PLAAT1: variants seen among roughly 807,000 people sequenced by gnomAD.
PLAAT1 encodes H-REV107 protein-related protein.
In PLAAT1, 13 loss-of-function variants were observed where a neutral mutation model predicts 16.4. The observed-to-expected ratio is 0.79, with a 90% CI of 0.52 to 1.26. The LOEUF (loss-of-function observed/expected upper bound fraction) is 1.26. Among genes scored for constraint, PLAAT1 ranks in the 50% most tolerant of loss-of-function variants. The pLI is 0.00. For synonymous variants in PLAAT1, 73 were observed against 78.4 expected (o/e 0.93, Z 0.36); for missense variants, 218 against 207.8 (o/e 1.05, Z -0.30).
At chr3:193,275,797 T>C (rs977680070), downstream of PLAAT1, among the ~76,000 whole-genome samples, 1 of 152,218 alleles carries the variant, frequency 6.6e-6, no homozygotes, top group Admixed American at 6.5e-5. Context: ...GTAATGAAAT[T>C]GGTCAAATTT....
intron 1 of PLAAT1, among the ~76,000 whole-genome samples, chr3:193,252,587 A>G (rs1206758271): frequency 6.6e-6 from 1 of 152,152 alleles, no homozygotes; most frequent in Non-Finnish European, 1.5e-5. Context: ...TTTTCCTGGT[A>G]AGGATCATAC....
chr3:193,268,570 A>G (rs190570008), intron 3 of PLAAT1, among the ~76,000 whole-genome samples: 2 of 152,302 alleles, frequency 1.3e-5, no homozygotes, highest in Non-Finnish European at 2.9e-5. Flanking sequence ...ACATCCTGAG[A>G]TGTTGTAATC....
chr3:193,272,445 AAAAAC>A (rs376995592), downstream of PLAAT1, among the ~76,000 whole-genome samples: 8 of 141,970 alleles, frequency 5.6e-5, no homozygotes, highest in Non-Finnish European at 1.1e-4. Context: ...ACTCCACCTC[AAAAAC>A]AAAACAAAAC....
chr3:193,245,484 A>G (rs983889055), intron 1 of PLAAT1, among the ~76,000 whole-genome samples: 2 of 152,182 alleles, frequency 1.3e-5, no homozygotes, highest in Non-Finnish European at 2.9e-5. Context: ...ATTATGAACA[A>G]TGCTAAAATG....
chr3:193,269,413 G>A (rs1486086205), intron 3 of PLAAT1, among the ~76,000 whole-genome samples: 2 of 152,178 alleles, frequency 1.3e-5, no homozygotes, highest in African/African-American at 4.8e-5. Flanking sequence ...ATGAACACAT[G>A]CTGCAAACAC....
rs76908484 is a variant in PLAAT1 at position 193,242,016 on chromosome 3, C to G, written c.-1+483C>G. 2.8e-3 allele frequency among the ~76,000 whole-genome samples: 420 copies of G among 152,276 alleles called. 2 individuals are homozygous for G. The highest frequency in any genetic ancestry group is 9.7e-3 in the African/African-American group (401 of 41,538). On this transcript the variant is annotated intron_variant, in intron 1 of 3. Coordinates refer to ENST00000264735, the MANE Select transcript of PLAAT1 (RefSeq NM_020386.5). The stretch of plus-strand genomic sequence containing the variant: ...GACTGAAGGTATAGAGCAAGCTTGT[C>G]CAACCCGTGGCTCACTAACCGCGTG...
chr3:193,281,111 A>C (rs1560111324), downstream of PLAAT1: 2 of 843,790 alleles, frequency 2.4e-6, no homozygotes, highest in African/African-American at 3.7e-5. Context: ...TAGGAATTGC[A>C]TCTCTCAGGA....
At chr3:193,274,442 T>C (rs1717093872), downstream of PLAAT1, among the ~76,000 whole-genome samples, 2 of 152,240 alleles carry the variant, frequency 1.3e-5, no homozygotes, top group South Asian at 4.1e-4. Flanking sequence ...ACTGTGCCCA[T>C]GCCAAGATTA....
At chr3:193,270,092 A>ACACT (rs1716934102) in intron 3 of PLAAT1, among the ~76,000 whole-genome samples, 1 of 151,992 alleles carries the variant, frequency 6.6e-6, no homozygotes, top group Non-Finnish European at 1.5e-5. Context: ...ACACACACAC[A>ACACT]CACACACACA....
rs1217658741 is a variant in PLAAT1 at position 193,270,609 on chromosome 3, C to A, written c.411C>A (p.Asn137Lys). ...RYGEGVSEQA[N>K]RAISTVEFVT... is the part of the protein sequence containing the mutation. ...TACTTCTTGTTTCCTTATAGGCCAA[C>A]CGAGCGATAAGTACCGTTGAGTTTG... The change falls in exon 4 of 4, where the codon AAC (asparagine) becomes AAA (lysine). Residue 137 changes from asparagine to lysine, a missense_variant. Physicochemically the swap from Asn to Lys is moderately conservative, Grantham distance 94 (BLOSUM62 0). Coordinates refer to ENST00000264735, the MANE Select transcript of PLAAT1 (RefSeq NM_020386.5). The A allele has an allele frequency of 1.2e-6, 2 of 1,611,678 alleles. No individual in the cohort carries two copies. The highest frequency in any genetic ancestry group is 1.7e-6 in the Non-Finnish European group (2 of 1,178,690).
intron 1 of PLAAT1, among the ~76,000 whole-genome samples, chr3:193,248,344 G>A (rs1387204756): frequency 8.4e-6 from 1 of 119,220 alleles, no homozygotes; most frequent in Non-Finnish European, 1.7e-5. Flanking sequence ...CATATAGTTG[G>A]GTCTTTTTTT....
At chr3:193,274,520 T>C (rs970541450), downstream of PLAAT1, among the ~76,000 whole-genome samples, 3 of 152,202 alleles carry the variant, frequency 2.0e-5, no homozygotes, top group South Asian at 2.1e-4. Context: ...ATAGTTAGGG[T>C]TGAATTTCCG....
At chr3:193,276,566 C>T (rs142655202) in intron 2 of PLAAT1, among the ~76,000 whole-genome samples, 11 of 152,306 alleles carry the variant, frequency 7.2e-5, no homozygotes, top group African/African-American at 2.6e-4. Context: ...TCTATGCAGA[C>T]TTCAAATAAT....
intron 2 of PLAAT1, among the ~76,000 whole-genome samples, chr3:193,259,600 C>A (rs759160896): frequency 3.3e-5 from 5 of 151,876 alleles, no homozygotes; most frequent in Admixed American, 6.6e-5. Context: ...AGCTGAGAGC[C>A]ATATTAAAAA....
At chr3:193,274,904 G>A, downstream of PLAAT1, 7 of 1,281,986 alleles carry the variant, frequency 5.5e-6, no homozygotes, top group South Asian at 1.4e-5. Flanking sequence ...TTGCTGCAAG[G>A]TTTAATTCAT....
At chr3:193,272,476 A>C (rs1383113189), downstream of PLAAT1, among the ~76,000 whole-genome samples, 1 of 151,818 alleles carries the variant, frequency 6.6e-6, no homozygotes, top group Non-Finnish European at 1.5e-5. Flanking sequence ...AAAAAAACCC[A>C]GTTTTCTAGT....
chr3:193,251,861 TAGG>T (rs1716202377), intron 1 of PLAAT1, among the ~76,000 whole-genome samples: 1 of 152,130 alleles, frequency 6.6e-6, no homozygotes, highest in Admixed American at 6.5e-5. Context: ...AGTGTGTTTG[TAGG>T]AGAAGGGATA....
chr3:193,260,683 G>C (rs957398823), intron 2 of PLAAT1, among the ~76,000 whole-genome samples: 7 of 148,680 alleles, frequency 4.7e-5, no homozygotes, highest in African/African-American at 1.7e-4. Context: ...TTATTAAAAA[G>C]TCAAAAAAAA....
chr3:193,245,499 T>C (rs908462509), intron 1 of PLAAT1, among the ~76,000 whole-genome samples: 1 of 152,216 alleles, frequency 6.6e-6, no homozygotes, highest in Non-Finnish European at 1.5e-5. Context: ...AAAATGAACA[T>C]GAGGGTGCAG....
Sources: gnomAD v4.1 joint callset for allele counts (sites outside exome capture counted in the v4.1 genomes callset) on GRCh38, gnomAD v4.1.1 for gene constraint, MANE v1.5 for transcripts, NCBI Gene and HGNC (gene_info 2026-07-23, HGNC 2026-07-21) for gene names.